Variants in CAST observed in about 807,000 individuals in gnomAD.
CAST encodes the protein MIR583 host.
A neutral mutation model predicts 119.6 loss-of-function variants in CAST; 76 were observed. The observed-to-expected ratio is 0.64, with a 90% confidence interval of 0.53 to 0.77. The LOEUF (loss-of-function observed/expected upper bound fraction) is 0.77. Among genes scored for constraint, CAST ranks in the 30% least tolerant of loss-of-function variants. The probability of loss-of-function intolerance (pLI) is 0.00; values close to 1 mark genes in which losing one functional copy is unlikely to be tolerated. For missense variants in CAST, 953 were observed against 946.5 expected, an observed-to-expected ratio of 1.01 and a Z score of -0.09; for synonymous variants, 319 against 331.6, an observed-to-expected ratio of 0.96 and a Z score of 0.41.
chr5:96,551,760 G>A (rs1252774023), intron 1 of CAST, among the ~76,000 whole-genome samples: 2 of 151,892 alleles, frequency 1.3e-5, no homozygotes, highest in South Asian at 4.2e-4. Flanking sequence ...AAAAGCAGGG[G>A]TTGCAATTCT....
At chr5:96,213,969 G>T in the CAST span, among the ~76,000 whole-genome samples, 1 of 152,078 alleles carries the variant, frequency 6.6e-6, no homozygotes, top group African/African-American at 2.4e-5. Context: ...TGAGAACAAA[G>T]TATATATACT....
chr5:96,556,038 T>A (rs1227546138), intron 1 of CAST, among the ~76,000 whole-genome samples: 1 of 152,148 alleles, frequency 6.6e-6, no homozygotes, highest in Non-Finnish European at 1.5e-5. Context: ...CAGGCAGCAA[T>A]ATTTGCTGTT....
At chr5:96,726,076 A>C (rs1408012506) in intron 4 of CAST, among the ~76,000 whole-genome samples, 2 of 152,212 alleles carry the variant, frequency 1.3e-5, no homozygotes, top group African/African-American at 4.8e-5. Context: ...AATAAAAACC[A>C]CTAGTTTGTG....
At chr5:96,167,978 T>C in the CAST span, among the ~76,000 whole-genome samples, 1 of 152,124 alleles carries the variant, frequency 6.6e-6, no homozygotes, top group Non-Finnish European at 1.5e-5. Context: ...ATTTCCACCA[T>C]GGGAAGGAAA....
At chr5:96,360,564 G>C in the CAST span, among the ~76,000 whole-genome samples, 1 of 152,166 alleles carries the variant, frequency 6.6e-6, no homozygotes, top group Non-Finnish European at 1.5e-5. Context: ...CTGTTTGTTA[G>C]TTTTCCTCCT....
intron 1 of CAST, among the ~76,000 whole-genome samples, chr5:96,556,272 G>GA (rs1343510763): frequency 2.0e-5 from 3 of 152,210 alleles, no homozygotes; most frequent in African/African-American, 7.2e-5. Context: ...AAACAGAGCA[G>GA]AAAAACTGGA....
At chr5:96,103,493 T>A in the CAST span, among the ~76,000 whole-genome samples, 4,164 of 151,140 alleles carry the variant, frequency 0.028, 167 homozygotes, top group African/African-American at 0.095. Context: ...GAATGATGAT[T>A]TCCAATTTCA....
chr5:96,506,276 T>G, the CAST span, among the ~76,000 whole-genome samples: 4 of 152,246 alleles, frequency 2.6e-5, no homozygotes, highest in African/African-American at 9.6e-5. Context: ...TCTTGGTTCA[T>G]TTGTTCAATC....
chr5:96,169,275 T>C, the CAST span, among the ~76,000 whole-genome samples: 1,053 of 152,264 alleles, frequency 6.9e-3, 9 homozygotes, highest in Non-Finnish European at 0.011. Flanking sequence ...ACAGCCCAGG[T>C]AATTTGCTGA....
the CAST span, among the ~76,000 whole-genome samples, chr5:96,170,644 G>T: frequency 6.6e-6 from 1 of 152,164 alleles, no homozygotes; most frequent in Non-Finnish European, 1.5e-5. Flanking sequence ...ACCTTTCAGG[G>T]TCTAGGGCTG....
At chr5:96,290,882 G>T in the CAST span, among the ~76,000 whole-genome samples, 2 of 152,160 alleles carry the variant, frequency 1.3e-5, no homozygotes, top group African/African-American at 4.8e-5. Flanking sequence ...GGCTTTACGT[G>T]TGTAATCTAT....
At position 96,735,375 on chromosome 5, in the gene CAST, C is replaced by T. The variant is rs183394494; in HGVS notation, c.631-797C>T. Among the ~76,000 whole-genome samples the T allele has an allele frequency of 3.3e-5, 5 of 152,318 alleles. No homozygotes were observed. In the East Asian group the frequency reaches 9.7e-4, roughly 29 times the overall value. On this transcript the variant is annotated intron_variant, in intron 9 of 31. Transcript: ENST00000675179. ...ATACCTTCAAATGGGAAATGGTCCCCTTTTATCTTAAACCCAACAACTTCA... is the reference window on the plus strand; with the variant it reads ...ATACCTTCAAATGGGAAATGGTCCCTTTTTATCTTAAACCCAACAACTTCA...
chr5:96,131,376 A>G, the CAST span, among the ~76,000 whole-genome samples: 1 of 152,000 alleles, frequency 6.6e-6, no homozygotes, highest in Non-Finnish European at 1.5e-5. Flanking sequence ...CAGTTATCAC[A>G]GGAGAATGGA....
the CAST span, among the ~76,000 whole-genome samples, chr5:96,487,340 A>G: frequency 6.6e-6 from 1 of 152,238 alleles, no homozygotes; most frequent in African/African-American, 2.4e-5. Context: ...TATATGAATG[A>G]GTACATCATA....
chr5:96,110,479 T>G, the CAST span, among the ~76,000 whole-genome samples: 2 of 151,934 alleles, frequency 1.3e-5, no homozygotes, highest in African/African-American at 4.8e-5. Context: ...AGGCTCAGAG[T>G]GAATTAGCTG....
chr5:96,366,551 T>G, the CAST span, among the ~76,000 whole-genome samples: 1 of 152,216 alleles, frequency 6.6e-6, no homozygotes, highest in African/African-American at 2.4e-5. Context: ...TTCTCTAAAC[T>G]TCTCTTCTCA....
At chr5:96,228,026 T>TGC in the CAST span, among the ~76,000 whole-genome samples, 1 of 148,234 alleles carries the variant, frequency 6.7e-6, no homozygotes, top group Non-Finnish European at 1.5e-5. Flanking sequence ...TGTGTGTGTG[T>TGC]GCACGCACAT....
chr5:96,418,370 C>T, the CAST span, among the ~76,000 whole-genome samples: 6 of 152,160 alleles, frequency 3.9e-5, no homozygotes, highest in African/African-American at 1.2e-4. Context: ...AGTTTAAATA[C>T]TACCCTTATT....
chr5:96,171,953 A>G, the CAST span, among the ~76,000 whole-genome samples: 10 of 144,644 alleles, frequency 6.9e-5, no homozygotes, highest in Admixed American at 5.4e-4. Context: ...GAGTCACGGC[A>G]CCAAATTTCG....
Sources: gnomAD v4.1 joint callset for allele counts (sites outside exome capture counted in the v4.1 genomes callset) on GRCh38, gnomAD v4.1.1 for gene constraint, MANE v1.5 for transcripts, NCBI Gene and HGNC (gene_info 2026-07-23, HGNC 2026-07-21) for gene names.